GLIS3: variants seen among roughly 807,000 people sequenced by gnomAD.
GLIS3 encodes the protein GLIS family zinc finger 3.
Under a neutral mutation model 78.6 loss-of-function variants are expected in GLIS3, and 53 were observed. That is an observed-to-expected ratio of 0.67 (90% confidence interval 0.54 to 0.85). The LOEUF (loss-of-function observed/expected upper bound fraction) is 0.85. GLIS3 is among the 40% of genes least tolerant of loss of function. The probability of loss-of-function intolerance (pLI) is 0.00; values close to 1 mark genes in which losing one functional copy is unlikely to be tolerated. For synonymous variants in GLIS3, 684 were observed against 509.9 expected, an observed-to-expected ratio of 1.34 and a Z score of -4.60; for missense variants, 1,703 against 1,231.1, an observed-to-expected ratio of 1.38 and a Z score of -5.74.
At chr9:4,003,274 G>T (rs1434495775) in intron 4 of GLIS3, among the ~76,000 whole-genome samples, 1 of 151,882 alleles carries the variant, frequency 6.6e-6, no homozygotes, top group East Asian at 1.9e-4. Context: ...ACAAGAAACT[G>T]GACCACTGAG....
chr9:4,097,810 G>A (rs1456907266), intron 4 of GLIS3, among the ~76,000 whole-genome samples: 1 of 152,054 alleles, frequency 6.6e-6, no homozygotes, highest in African/African-American at 2.4e-5. Flanking sequence ...TGCCAGATTT[G>A]CATCATCCAC....
intron 4 of GLIS3, among the ~76,000 whole-genome samples, chr9:4,112,953 A>G (rs1448730946): frequency 6.6e-6 from 1 of 152,162 alleles, no homozygotes; most frequent in Non-Finnish European, 1.5e-5. Context: ...TGTAACCACT[A>G]TCCTAAAATT....
At chr9:3,911,975 C>T (rs909236951) in intron 6 of GLIS3, among the ~76,000 whole-genome samples, 4 of 151,978 alleles carry the variant, frequency 2.6e-5, no homozygotes, top group African/African-American at 4.8e-5. Flanking sequence ...CATAGTGTGG[C>T]GACATGGCAA....
intron 9 of GLIS3, among the ~76,000 whole-genome samples, chr9:3,850,254 G>T (rs959818250): frequency 3.3e-5 from 5 of 152,216 alleles, no homozygotes; most frequent in African/African-American, 9.6e-5. Flanking sequence ...GCACAGGAAG[G>T]CGTGTGATCT....
At chr9:4,178,868 A>C (rs553339380) in intron 2 of GLIS3, among the ~76,000 whole-genome samples, 104 of 152,336 alleles carry the variant, frequency 6.8e-4, no homozygotes, top group African/African-American at 2.4e-3. Flanking sequence ...CATAAACATT[A>C]GTTATTTAAA....
chr9:4,101,766 T>TTA (rs957268750), intron 4 of GLIS3, among the ~76,000 whole-genome samples: 51 of 151,558 alleles, frequency 3.4e-4, no homozygotes, highest in African/African-American at 1.2e-3. Flanking sequence ...TTGGCTTTTC[T>TTA]TATCAAAGTT....
intron 2 of GLIS3, among the ~76,000 whole-genome samples, chr9:4,201,309 A>G (rs1385949252): frequency 1.3e-5 from 2 of 152,176 alleles, no homozygotes; most frequent in East Asian, 1.9e-4. Flanking sequence ...TCTTAATCCA[A>G]CATAGTACTG....
intron 2 of GLIS3, among the ~76,000 whole-genome samples, chr9:4,199,523 A>G (rs1382547082): frequency 6.6e-6 from 1 of 150,408 alleles, no homozygotes; most frequent in Non-Finnish European, 1.5e-5. Flanking sequence ...CATATAAAAC[A>G]GACTTTTCCA....
intron 2 of GLIS3, among the ~76,000 whole-genome samples, chr9:4,168,441 A>G (rs977134769): frequency 2.6e-5 from 4 of 152,208 alleles, no homozygotes; most frequent in Non-Finnish European, 5.9e-5. Context: ...TGTGTATCAT[A>G]TGCAAAGAAA....
intron 4 of GLIS3, among the ~76,000 whole-genome samples, chr9:3,940,591 G>C (rs1348075322): frequency 6.6e-6 from 1 of 152,172 alleles, no homozygotes; most frequent in Non-Finnish European, 1.5e-5. Flanking sequence ...GATGAGGCCA[G>C]AGTTTGCCCG....
intron 4 of GLIS3, among the ~76,000 whole-genome samples, chr9:4,097,617 G>A (rs1054757728): frequency 6.6e-6 from 1 of 152,140 alleles, no homozygotes; most frequent in East Asian, 1.9e-4. Flanking sequence ...TTCGCATACT[G>A]ACCAAAATAT....
At chr9:3,911,353 C>G (rs13301469) in intron 6 of GLIS3, among the ~76,000 whole-genome samples, 25,975 of 152,160 alleles carry the variant, frequency 0.17, 2,381 homozygotes, top group East Asian at 0.32. Flanking sequence ...TGGGAGGCTA[C>G]CTTTCTAAAG....
At chr9:4,409,368 C>T in the GLIS3 span, among the ~76,000 whole-genome samples, 3 of 152,084 alleles carry the variant, frequency 2.0e-5, no homozygotes, top group Non-Finnish European at 4.4e-5. Flanking sequence ...ATAATGTTCT[C>T]CATTTTTTAC....
At position 4,118,610 on chromosome 9, in the gene GLIS3, A is replaced by G; in HGVS notation, c.868T>C (p.Ser290Pro). 6.2e-7 allele frequency: 1 copy of G among 1,614,204 alleles called. No individual in the cohort carries two copies. Among genetic ancestry groups the G allele is most frequent in the East Asian group, 2.2e-5 (1 of 44,874 alleles). ...GAGCGGGCCGAGTGGGACCTGGTGGATGAGTGCCGAGGACTAGGGTAAGGA... is the reference window on the plus strand; with the variant it reads ...GAGCGGGCCGAGTGGGACCTGGTGGGTGAGTGCCGAGGACTAGGGTAAGGA... ...HSPYPSPRHS[S>P]TRSHSARSKK... The change falls in exon 4 of 11, where the codon TCC becomes CCC. Residue 290 changes from serine to proline, a missense_variant. Physicochemically the swap from Ser to Pro is moderately conservative, Grantham distance 74. Transcript: ENST00000381971. This position sits in a 1 kb window ranked among gnomAD's most constrained non-coding sequence, Gnocchi z 4.7.
At chr9:4,080,448 G>A (rs1304208104) in intron 4 of GLIS3, among the ~76,000 whole-genome samples, 2 of 152,208 alleles carry the variant, frequency 1.3e-5, no homozygotes, top group African/African-American at 2.4e-5. Context: ...AATGCATGAT[G>A]AACAAATTAT....
chr9:3,986,986 C>T (rs1021938203), intron 4 of GLIS3, among the ~76,000 whole-genome samples: 3 of 152,166 alleles, frequency 2.0e-5, no homozygotes, highest in Non-Finnish European at 1.5e-5. Context: ...AATGCCAATA[C>T]CAAAATGGAT....
the GLIS3 span, among the ~76,000 whole-genome samples, chr9:4,422,631 C>T: frequency 6.6e-6 from 1 of 152,232 alleles, no homozygotes; most frequent in South Asian, 2.1e-4. Flanking sequence ...TCTCTGCCTG[C>T]CAGTCTACCG....
chr9:4,301,843 G>A (rs1563924321), upstream of GLIS3, among the ~76,000 whole-genome samples: 4 of 152,164 alleles, frequency 2.6e-5, no homozygotes, highest in South Asian at 6.2e-4. Flanking sequence ...AAAGTTAGGA[G>A]TCATCAACCT....
intron 4 of GLIS3, among the ~76,000 whole-genome samples, chr9:4,110,083 G>C (rs1297140220): frequency 2.0e-5 from 3 of 152,134 alleles, no homozygotes; most frequent in Non-Finnish European, 1.5e-5. Context: ...ATTTATTTCT[G>C]TATCCCCCGG....
Sources: gnomAD v4.1 joint callset for allele counts (sites outside exome capture counted in the v4.1 genomes callset) on GRCh38, gnomAD v4.1.1 for gene constraint, Gnocchi (gnomAD v3.1) non-coding constraint, MANE v1.5 for transcripts, NCBI Gene and HGNC (gene_info 2026-07-23, HGNC 2026-07-21) for gene names.